Variants in ANGPT1 observed in about 807,000 individuals in gnomAD.
ANGPT1 encodes angiopoietin 1.
In ANGPT1, 17 loss-of-function variants were observed where a neutral mutation model predicts 62.2. That is an observed-to-expected ratio of 0.27 (90% CI 0.19 to 0.41). The LOEUF is 0.41. Ranked by LOEUF, ANGPT1 falls within the 10% of genes least tolerant of loss-of-function variation. ANGPT1 has a pLI of 1.00. For synonymous variants in ANGPT1, 199 were observed against 198.9 expected, an observed-to-expected ratio of 1.00 and a Z score of 0.00; for missense variants, 478 against 594.9, an observed-to-expected ratio of 0.80 and a Z score of 2.04.
At chr8:107,406,209 T>C (rs1439169839) in intron 1 of ANGPT1, among the ~76,000 whole-genome samples, 1 of 151,892 alleles carries the variant, frequency 6.6e-6, no homozygotes, top group Non-Finnish European at 1.5e-5. Context: ...ATCATGTTCT[T>C]TGTCTTTTTA....
chr8:107,412,040 G>A (rs960762687), intron 1 of ANGPT1, among the ~76,000 whole-genome samples: 1 of 152,110 alleles, frequency 6.6e-6, no homozygotes, highest in Non-Finnish European at 1.5e-5. Flanking sequence ...ATTGTAGGAT[G>A]CTTAGCTGCA....
At chr8:107,290,933 T>C (rs991043184) in intron 6 of ANGPT1, among the ~76,000 whole-genome samples, 5 of 152,334 alleles carry the variant, frequency 3.3e-5, no homozygotes, top group African/African-American at 4.8e-5. Context: ...TTACTTAACA[T>C]GCCTAGCTTG....
chr8:107,463,366 C>G (rs1812119973), intron 1 of ANGPT1, among the ~76,000 whole-genome samples: 1 of 152,042 alleles, frequency 6.6e-6, no homozygotes. Context: ...GTAAGTTGTG[C>G]CCAAATTCCT....
At chr8:107,285,035 G>A (rs1156645061) in intron 6 of ANGPT1, among the ~76,000 whole-genome samples, 187 bp from the exon 7 acceptor site, 7 of 151,908 alleles carry the variant, frequency 4.6e-5, no homozygotes, top group Admixed American at 4.6e-4. Flanking sequence ...CAAAGCTTCT[G>A]TCTAATTCTT....
chr8:107,430,566 T>A (rs1267427342), intron 1 of ANGPT1, among the ~76,000 whole-genome samples: 1 of 152,150 alleles, frequency 6.6e-6, no homozygotes, highest in Non-Finnish European at 1.5e-5. Flanking sequence ...TTACCTTACA[T>A]GGTAAAAGGA....
chr8:107,272,889 TAAA>T (rs34340048), intron 7 of ANGPT1, among the ~76,000 whole-genome samples: 4 of 144,472 alleles, frequency 2.8e-5, no homozygotes, highest in Admixed American at 2.1e-4. Flanking sequence ...TAAGAATACA[TAAA>T]AAAAAAAAAA....
At chr8:107,349,819 A>G (rs1465082025) in intron 1 of ANGPT1, among the ~76,000 whole-genome samples, 1 of 152,150 alleles carries the variant, frequency 6.6e-6, no homozygotes, top group African/African-American at 2.4e-5. Context: ...GTGTTCATCA[A>G]AACTACATGG....
intron 1 of ANGPT1, among the ~76,000 whole-genome samples, chr8:107,449,970 G>A (rs1396055088): frequency 6.6e-6 from 1 of 152,106 alleles, no homozygotes; most frequent in Non-Finnish European, 1.5e-5. Context: ...CTAAATATCT[G>A]ATGATAAAAT....
intron 4 of ANGPT1, among the ~76,000 whole-genome samples, chr8:107,315,785 T>C (rs1249050918): frequency 6.6e-6 from 1 of 152,152 alleles, no homozygotes; most frequent in Non-Finnish European, 1.5e-5. Context: ...TCCTTGCATT[T>C]TGGGGTTGGG....
chr8:107,416,712 A>G (rs1810757633), intron 1 of ANGPT1, among the ~76,000 whole-genome samples: 1 of 152,008 alleles, frequency 6.6e-6, no homozygotes, highest in Non-Finnish European at 1.5e-5. Context: ...TGGCCTCTCT[A>G]TGCAGCATTC....
chr8:107,310,179 C>T (rs936038412), intron 4 of ANGPT1, among the ~76,000 whole-genome samples: 1 of 152,092 alleles, frequency 6.6e-6, no homozygotes, highest in African/African-American at 2.4e-5. Context: ...TAATTGAACA[C>T]TTACTATGTG....
At chr8:107,335,796 G>T (rs188618656) in intron 3 of ANGPT1, among the ~76,000 whole-genome samples, 9 of 152,270 alleles carry the variant, frequency 5.9e-5, no homozygotes, top group Admixed American at 2.6e-4. Context: ...TCTATTCTCT[G>T]TTGTTATAGG....
chr8:107,493,187 T>C (rs1422005513), intron 1 of ANGPT1, among the ~76,000 whole-genome samples: 4 of 150,366 alleles, frequency 2.7e-5, no homozygotes, highest in South Asian at 4.4e-4. Context: ...GGTATAAAAA[T>C]GGATAAGCGA....
In ANGPT1 at chr8:107,497,871, G is replaced by C; in HGVS notation, c.-313C>G. On this transcript the variant is annotated 5_prime_UTR_variant, in exon 1 of 9. An upstream open reading frame in the 5' UTR gains an earlier in-frame stop. Transcript: ENST00000517746. ...TGGAGCCTGCCTGAGTCAGCTGCGT[G>C]TACATATTCTAGACCCTTTCCTCTA... The C allele has an allele frequency of 2.0e-6, 1 of 510,214 alleles. No homozygotes were observed. Among genetic ancestry groups the C allele is most frequent in the South Asian group, 3.6e-5 (1 of 27,506 alleles). The allele number at this position is 510,214 out of a possible 1,614,324, so 31.6% of individuals were successfully genotyped here. A position where few individuals can be genotyped will look rare whatever the true frequency, so the allele number is the denominator to read the frequency against.
intron 1 of ANGPT1, among the ~76,000 whole-genome samples, chr8:107,411,597 CT>C (rs1391575047): frequency 5.9e-5 from 9 of 152,138 alleles, no homozygotes; most frequent in Non-Finnish European, 1.2e-4. Flanking sequence ...TAGCTTTTAA[CT>C]TGTTGAAAAC....
chr8:107,371,129 G>A (rs1383839082), intron 1 of ANGPT1, among the ~76,000 whole-genome samples: 2 of 152,174 alleles, frequency 1.3e-5, no homozygotes, highest in East Asian at 3.9e-4. Context: ...TCTCAATAGG[G>A]TTTTTATGTA....
At chr8:107,278,904 G>T (rs967224091) in intron 7 of ANGPT1, among the ~76,000 whole-genome samples, 1 of 152,180 alleles carries the variant, frequency 6.6e-6, no homozygotes, top group African/African-American at 2.4e-5. Flanking sequence ...TGTCTGCCAT[G>T]CCAAATTTCA....
At chr8:107,450,843 T>A (rs898205036) in intron 1 of ANGPT1, among the ~76,000 whole-genome samples, 1 of 151,688 alleles carries the variant, frequency 6.6e-6, no homozygotes, top group African/African-American at 2.4e-5. Context: ...GAGTACTTAC[T>A]CTGTGCTTGA....
chr8:107,360,186 G>A (rs569775866), intron 1 of ANGPT1, among the ~76,000 whole-genome samples: 198 of 152,266 alleles, frequency 1.3e-3, no homozygotes, highest in African/African-American at 4.6e-3. Flanking sequence ...CCGCAAGTAG[G>A]TCTTTACCAA....
Sources: allele counts gnomAD v4.1 joint callset (sites outside exome capture counted in the v4.1 genomes callset), GRCh38; gene constraint gnomAD v4.1.1; transcripts MANE v1.5; gene names NCBI Gene and HGNC (gene_info 2026-07-23, HGNC 2026-07-21).